Variants in SLA2 observed in about 807,000 individuals in gnomAD.
SLA2 encodes src-like-adapter 2.
In SLA2, 22 loss-of-function variants were observed where a neutral mutation model predicts 27.3. The observed-to-expected ratio is 0.81, with a 90% CI of 0.58 to 1.15. The LOEUF is 1.15. Among genes scored for constraint, SLA2 ranks in the 50% most tolerant of loss-of-function variants. The probability of loss-of-function intolerance (pLI) is 0.00; values close to 1 mark genes in which losing one functional copy is unlikely to be tolerated. For missense variants in SLA2, 304 were observed against 322.2 expected (o/e 0.94, Z 0.43); for synonymous variants, 131 against 137.8 (o/e 0.95, Z 0.34).
At chr20:36,625,371 T>C (rs1475302717) in intron 5 of SLA2, among the ~76,000 whole-genome samples, 2 of 152,034 alleles carry the variant, frequency 1.3e-5, no homozygotes, top group Non-Finnish European at 2.9e-5. Flanking sequence ...TATAGGTACC[T>C]GCCACCATGC....
chr20:36,633,469 C>T (rs2039412744), intron 4 of SLA2, 74 bp downstream of exon 4: 12 of 1,282,988 alleles, frequency 9.4e-6, no homozygotes, highest in East Asian at 9.2e-5. Flanking sequence ...AGCGCAGAGC[C>T]GTGCACAAAG....
intron 1 of SLA2, among the ~76,000 whole-genome samples, chr20:36,643,389 CTG>C (rs899402379): frequency 2.0e-5 from 3 of 152,222 alleles, no homozygotes; most frequent in Non-Finnish European, 4.4e-5. Context: ...AGCTTCTGCT[CTG>C]TGTCAGGCAC....
chr20:36,623,680 G>GA (rs2147983547), intron 5 of SLA2, among the ~76,000 whole-genome samples: 1 of 150,944 alleles, frequency 6.6e-6, no homozygotes, highest in African/African-American at 2.4e-5. Flanking sequence ...TTCTTTTTTA[G>GA]AGACAGTTTC....
At chr20:36,634,000 T>C (rs2039418718) in intron 3 of SLA2, among the ~76,000 whole-genome samples, 1 of 151,702 alleles carries the variant, frequency 6.6e-6, no homozygotes, top group African/African-American at 2.4e-5. Context: ...CCTTCTTTTA[T>C]TTTTTTGAGA....
rs181393127 is a variant in SLA2 at position 36,624,645 on chromosome 20, T to G, written c.382+7950A>C. ...ACGGAGCCACGATTACAAGCAGTTT[T>G]AAGGAGAGCTCATCACCATTTGCAC... On this transcript the variant is annotated intron_variant, in intron 5 of 7. Coordinates refer to ENST00000262866, the MANE Select transcript of SLA2 (RefSeq NM_032214.4). 6.6e-5 allele frequency among the ~76,000 whole-genome samples: 10 copies of G among 152,364 alleles called. No homozygotes were observed. The East Asian group carries it at 1.9e-3, about 29-fold the overall frequency.
At chr20:36,633,001 C>A (rs1023573733) in intron 4 of SLA2, among the ~76,000 whole-genome samples, 5 of 152,208 alleles carry the variant, frequency 3.3e-5, no homozygotes, top group African/African-American at 1.2e-4. Context: ...TATCCCTGCT[C>A]AGTCCCCAAA....
intron 5 of SLA2, among the ~76,000 whole-genome samples, chr20:36,623,134 T>C (rs967439229): frequency 3.3e-5 from 5 of 152,066 alleles, no homozygotes; most frequent in Admixed American, 1.3e-4. Context: ...CTGGGCATGA[T>C]GGCGTGTGCC....
At chr20:36,626,737 G>T (rs908687773) in intron 5 of SLA2, among the ~76,000 whole-genome samples, 1 of 150,956 alleles carries the variant, frequency 6.6e-6, no homozygotes, top group Non-Finnish European at 1.5e-5. Context: ...CCAGCTACTC[G>T]GGAGGCTGAG....
At chr20:36,616,475 C>T (rs1170338488) in intron 5 of SLA2, among the ~76,000 whole-genome samples, 3 of 151,650 alleles carry the variant, frequency 2.0e-5, no homozygotes, top group Non-Finnish European at 4.4e-5. Flanking sequence ...GGACTACAGG[C>T]GCCTGCCACC....
At chr20:36,636,866 G>A (rs1247358241) in intron 2 of SLA2, among the ~76,000 whole-genome samples, 1 of 151,110 alleles carries the variant, frequency 6.6e-6, no homozygotes, top group African/African-American at 2.4e-5. Context: ...CAGGAGAATC[G>A]CTTGAACCCA....
In SLA2 at chr20:36,632,715, G is replaced by A. The variant is rs2039405034; in HGVS notation, c.279-17C>T. On this transcript the variant is annotated splice_polypyrimidine_tract_variant and intron_variant, in intron 4 of 7. Transcript: ENST00000262866. ...TACAGCCACCTGGCGGAGCGAAAGA[G>A]AGGGACAAGGGACAGGGTCAGCCTG... 1 of 1,605,594 alleles carries A rather than the reference G, an allele frequency of 6.2e-7. No individual in the cohort carries two copies. Among genetic ancestry groups the A allele is most frequent in the Non-Finnish European group, 8.5e-7 (1 of 1,173,532 alleles).
Position 36,640,792 on chromosome 20 carries a change from C to T in SLA2, c.91+453G>A, listed in dbSNP as rs141900378. ...TTGGCCTCCCAAAGTGCTGGGATTA[C>T]AGGCGTGAGCCACCGTGCCCCACCC... On this transcript the variant is annotated intron_variant, in intron 2 of 7. Transcript: ENST00000262866. Among the ~76,000 whole-genome samples the T allele has an allele frequency of 6.2e-3, 946 of 152,320 alleles. 10 individuals are homozygous for T. Among genetic ancestry groups the T allele is most frequent in the African/African-American group, 0.021 (890 of 41,574 alleles).
rs1387991352 is a variant in SLA2, at chr20:36,636,623, A to AAAAT, written c.92-2035_92-2034insATTT. On this transcript the variant is annotated intron_variant, in intron 2 of 7. Coordinates refer to ENST00000262866, the MANE Select transcript of SLA2 (RefSeq NM_032214.4). ...TCCATCTCAAAAAGAAAAAAAAAAA[A>AAAAT]ATATATATATATATATATATATATA... Among the ~76,000 whole-genome samples, 422 of 114,638 alleles carry AAAAT rather than the reference A, an allele frequency of 3.7e-3. 1 individual carries two copies. Among genetic ancestry groups the AAAAT allele is most frequent in the Non-Finnish European group, 4.3e-3 (263 of 60,658 alleles). The allele number at this position is 114,638 out of a possible 152,430, so 75.2% of individuals were successfully genotyped here. A position where few individuals can be genotyped will look rare whatever the true frequency, so the allele number is the denominator to read the frequency against.
rs144006325 is a variant in SLA2 at position 36,618,488 on chromosome 20, G to T, written c.383-3114C>A. Among the ~76,000 whole-genome samples the T allele has an allele frequency of 4.4e-3, 661 of 151,946 alleles. 4 individuals are homozygous for T. Among genetic ancestry groups the T allele is most frequent in the African/African-American group, 0.015 (621 of 41,474 alleles). On this transcript the variant is annotated intron_variant, in intron 5 of 7. Transcript: ENST00000262866. ...CCTGACCTTGTGATCTGCCCACCTTGGCCTCTCAAAGTGCTGGGTTTACAG... is the reference window on the plus strand; with the variant it reads ...CCTGACCTTGTGATCTGCCCACCTTTGCCTCTCAAAGTGCTGGGTTTACAG...
rs57962999 is a variant in SLA2 at position 36,636,623 on chromosome 20, AAT to A, written c.92-2036_92-2035del. Among the ~76,000 whole-genome samples, 847 of 114,588 alleles carry A rather than the reference AAT, an allele frequency of 7.4e-3. 17 individuals are homozygous for A. The highest frequency in any genetic ancestry group is 0.027 in the African/African-American group (681 of 25,056). The allele number at this position is 114,588 out of a possible 152,430, so 75.2% of individuals were successfully genotyped here. Reference sequence around the variant, plus strand: ...TCCATCTCAAAAAGAAAAAAAAAAAAATATATATATATATATATATATATATA... The same window carrying A: ...TCCATCTCAAAAAGAAAAAAAAAAAAATATATATATATATATATATATATA... On this transcript the variant is annotated intron_variant, in intron 2 of 7. Coordinates refer to ENST00000262866, the MANE Select transcript of SLA2 (RefSeq NM_032214.4).
chr20:36,618,568 T>C (rs1303319021), intron 5 of SLA2, among the ~76,000 whole-genome samples: 1 of 151,952 alleles, frequency 6.6e-6, no homozygotes, highest in East Asian at 1.9e-4. Context: ...TCATTAAAAA[T>C]ATGTTGTCTG....
rs1401739449 is a variant in SLA2, at chr20:36,612,505, T to G, written c.*1361A>C. On this transcript the variant is annotated 3_prime_UTR_variant, in exon 8 of 8. Transcript: ENST00000262866. ...GTACATGCAGCATCTAATAAGAGTT[T>G]CCATTGTAGAATGTTTTCACATACT... 2.2e-6 allele frequency: 1 copy of G among 457,634 alleles called. No homozygotes were observed. Among genetic ancestry groups the G allele is most frequent in the Non-Finnish European group, 4.0e-6 (1 of 249,748 alleles). The allele number at this position is 457,634 out of a possible 1,614,324, so 28.3% of individuals were successfully genotyped here.
chr20:36,631,067 G>A (rs137857414), intron 5 of SLA2, among the ~76,000 whole-genome samples: 8 of 152,296 alleles, frequency 5.3e-5, no homozygotes, highest in South Asian at 2.1e-4. Context: ...CCTAGTCAAC[G>A]CAGAGAAATT....
At chr20:36,623,266 C>CAAAAAAAAAA (rs776399343) in intron 5 of SLA2, among the ~76,000 whole-genome samples, 1 of 52,092 alleles carries the variant, frequency 1.9e-5, no homozygotes, top group Non-Finnish European at 4.2e-5. Flanking sequence ...CATTACATCT[C>CAAAAAAAAAA]AAAAAAAAAA....
Sources: allele counts gnomAD v4.1 joint callset (sites outside exome capture counted in the v4.1 genomes callset), GRCh38; gene constraint gnomAD v4.1.1; transcripts MANE v1.5; gene names NCBI Gene and HGNC (gene_info 2026-07-23, HGNC 2026-07-21).